The following BBX variants were observed in gnomAD, a reference collection of about 807,000 sequenced individuals.
BBX encodes HMG box transcription factor BBX.
BBX carries 30 observed loss-of-function variants against 100.2 expected under a neutral mutation model. The observed-to-expected ratio is 0.30, with a 90% CI of 0.22 to 0.41. The LOEUF (loss-of-function observed/expected upper bound fraction) is 0.41, where lower values mean the gene tolerates loss of function less well. Among genes scored for constraint, BBX ranks in the 10% least tolerant of loss-of-function variants. BBX has a pLI of 1.00. For synonymous variants in BBX, 376 were observed against 388.1 expected (o/e 0.97, Z 0.37); for missense variants, 1,023 against 1,129.8 (o/e 0.91, Z 1.35).
intron 12 of BBX, among the ~76,000 whole-genome samples, chr3:107,775,671 T>C (rs951696642): frequency 1.3e-5 from 2 of 152,282 alleles, no homozygotes; most frequent in African/African-American, 4.8e-5. Context: ...CTATGCAAAT[T>C]GTATGCATTG....
chr3:107,548,165 T>A (rs542245666), intron 2 of BBX, among the ~76,000 whole-genome samples: 11 of 152,336 alleles, frequency 7.2e-5, no homozygotes, highest in Admixed American at 2.6e-4. Context: ...TGTGTCAGTA[T>A]GAACAAGGCA....
At chr3:107,740,156 C>T (rs1041976672) in intron 7 of BBX, among the ~76,000 whole-genome samples, 1 of 151,950 alleles carries the variant, frequency 6.6e-6, no homozygotes, top group Non-Finnish European at 1.5e-5. Context: ...AGATGTAGTG[C>T]ACCGCTTGTG....
At chr3:107,525,976 G>A (rs1374729246) in intron 1 of BBX, among the ~76,000 whole-genome samples, 1 of 152,218 alleles carries the variant, frequency 6.6e-6, no homozygotes, top group Non-Finnish European at 1.5e-5. Context: ...TCCTGGGGGC[G>A]GTGATCACTT....
rs374673916 is a variant in BBX, at chr3:107,724,435, T to G, written c.406-4330T>G. ...AATTAGATCCCATTTGTCAATTTTG[T>G]CTTTTGTTGCCATTGCTTTTGGTGT... On this transcript the variant is annotated intron_variant, in intron 5 of 17. Coordinates refer to ENST00000325805, the MANE Select transcript of BBX (RefSeq NM_001142568.3). Among the ~76,000 whole-genome samples the G allele has an allele frequency of 7.1e-3, 1,075 of 151,814 alleles. 8 individuals are homozygous for G. The highest frequency in any genetic ancestry group is 0.023 in the East Asian group (117 of 5,174).
At chr3:107,704,639 G>A (rs1019188668) in intron 3 of BBX, among the ~76,000 whole-genome samples, 7 of 152,174 alleles carry the variant, frequency 4.6e-5, no homozygotes, top group African/African-American at 7.2e-5. Flanking sequence ...ACCCACTCTG[G>A]TGATGACTAA....
chr3:107,541,009 C>G (rs2048827055), intron 2 of BBX, among the ~76,000 whole-genome samples: 2 of 152,126 alleles, frequency 1.3e-5, no homozygotes, highest in Non-Finnish European at 2.9e-5. Flanking sequence ...CAAACATTTC[C>G]TCCCTGAGAA....
intron 2 of BBX, among the ~76,000 whole-genome samples, chr3:107,621,510 C>A (rs1478389627): frequency 6.6e-6 from 1 of 152,116 alleles, no homozygotes; most frequent in Non-Finnish European, 1.5e-5. Context: ...AATAAAAATG[C>A]TGCATAGATT....
intron 3 of BBX, among the ~76,000 whole-genome samples, chr3:107,655,707 T>A (rs939994116): frequency 6.6e-6 from 1 of 150,656 alleles, no homozygotes; most frequent in Admixed American, 6.6e-5. Flanking sequence ...TTATTTTATT[T>A]TTTTTTTTTT....
At chr3:107,634,239 A>AC (rs2056725364) in intron 2 of BBX, among the ~76,000 whole-genome samples, 2 of 152,180 alleles carry the variant, frequency 1.3e-5, no homozygotes, top group African/African-American at 4.8e-5. Flanking sequence ...TTGGATTTTT[A>AC]ACTTAGACAG....
chr3:107,602,367 CAT>C (rs1316651027), intron 2 of BBX, among the ~76,000 whole-genome samples: 12 of 152,164 alleles, frequency 7.9e-5, no homozygotes, highest in Non-Finnish European at 1.5e-5. Flanking sequence ...TGGATCTGGG[CAT>C]AGTCATTGAA....
intron 2 of BBX, among the ~76,000 whole-genome samples, chr3:107,573,779 T>C (rs1361823310): frequency 6.6e-6 from 1 of 152,122 alleles, no homozygotes; most frequent in Non-Finnish European, 1.5e-5. Context: ...CAGGCTGGAG[T>C]GCAATGGCAC....
intron 5 of BBX, among the ~76,000 whole-genome samples, chr3:107,720,111 A>C (rs901445146): frequency 3.3e-5 from 5 of 152,000 alleles, no homozygotes; most frequent in Non-Finnish European, 7.4e-5. Flanking sequence ...CCAACCTGTA[A>C]AGTGAGTTAT....
intron 2 of BBX, among the ~76,000 whole-genome samples, chr3:107,528,637 A>G (rs1421197980): frequency 1.3e-5 from 2 of 152,242 alleles, no homozygotes; most frequent in Non-Finnish European, 1.5e-5. Flanking sequence ...AAACAGATTC[A>G]TGTAGACATT....
intron 3 of BBX, among the ~76,000 whole-genome samples, chr3:107,683,426 A>C (rs140152967): frequency 6.6e-6 from 1 of 152,126 alleles, no homozygotes; most frequent in East Asian, 1.9e-4. Context: ...TTTTCAGGGA[A>C]AAGAAAATAG....
At chr3:107,525,676 C>T (rs1023204832) in intron 1 of BBX, among the ~76,000 whole-genome samples, 1 of 152,158 alleles carries the variant, frequency 6.6e-6, no homozygotes, top group Non-Finnish European at 1.5e-5. Flanking sequence ...TCTCTTCCTC[C>T]CTCCTTGTTT....
intron 3 of BBX, among the ~76,000 whole-genome samples, chr3:107,703,956 G>A (rs2061238443): frequency 6.6e-6 from 1 of 152,168 alleles, no homozygotes; most frequent in South Asian, 2.1e-4. Flanking sequence ...TCTATGAGCT[G>A]TTTGTTCTAT....
At chr3:107,746,921 G>A (rs2064663314) in intron 8 of BBX, among the ~76,000 whole-genome samples, 1 of 152,158 alleles carries the variant, frequency 6.6e-6, no homozygotes, top group Non-Finnish European at 1.5e-5. Flanking sequence ...AGTTGTTGGT[G>A]AACAGTTACT....
chr3:107,768,609 A>G lies in BBX; in HGVS notation c.907-4019A>G, dbSNP rs543870998. Among the ~76,000 whole-genome samples, 6 of 152,318 alleles carry G rather than the reference A, an allele frequency of 3.9e-5. No homozygotes were observed. The South Asian group carries it at 1.2e-3, about 32-fold the overall frequency. The stretch of plus-strand genomic sequence containing the variant: ...AGATAAACTTAATAAGAAAAAATGG[A>G]AAGTCTTACATCTAAGTGCAAAACA... On this transcript the variant is annotated intron_variant, in intron 10 of 17. Coordinates refer to ENST00000325805, the MANE Select transcript of BBX (RefSeq NM_001142568.3).
chr3:107,598,713 A>C (rs763483376), intron 2 of BBX, among the ~76,000 whole-genome samples: 6 of 152,034 alleles, frequency 3.9e-5, no homozygotes, highest in Non-Finnish European at 5.9e-5. Flanking sequence ...ATGTCCCTTA[A>C]CTCCCAGTAT....
Sources: allele counts gnomAD v4.1 joint callset (sites outside exome capture counted in the v4.1 genomes callset), GRCh38; gene constraint gnomAD v4.1.1; transcripts MANE v1.5; gene names NCBI Gene and HGNC (gene_info 2026-07-23, HGNC 2026-07-21).